Variants in RAI14 observed in about 807,000 individuals in gnomAD.
The protein encoded by RAI14 is retinoic acid induced 14.
A neutral mutation model predicts 115.4 loss-of-function variants in RAI14; 45 were observed. That is an observed-to-expected ratio of 0.39 (90% CI 0.31 to 0.50). The LOEUF (loss-of-function observed/expected upper bound fraction) is 0.50. RAI14 is among the 20% of genes least tolerant of loss of function. The pLI is 0.85. For missense variants in RAI14, 939 were observed against 1,131.2 expected (o/e 0.83, Z 2.44); for synonymous variants, 371 against 415.4 (o/e 0.89, Z 1.30).
At chr5:34,676,974 GT>G (rs1744025022) in intron 1 of RAI14, among the ~76,000 whole-genome samples, 1 of 152,056 alleles carries the variant, frequency 6.6e-6, no homozygotes, top group South Asian at 2.1e-4. Flanking sequence ...TAACAAACCT[GT>G]ACCTTTGTTA....
At chr5:34,806,548 G>A (rs1202976565) in intron 5 of RAI14, among the ~76,000 whole-genome samples, 2 of 152,084 alleles carry the variant, frequency 1.3e-5, no homozygotes, top group Admixed American at 1.3e-4. Context: ...GAGTGGAGGC[G>A]AGTTTTGGAG....
chr5:34,721,908 C>T (rs1290314290), intron 2 of RAI14, among the ~76,000 whole-genome samples: 6 of 152,056 alleles, frequency 3.9e-5, no homozygotes, highest in Admixed American at 6.6e-5. Context: ...AGGGTTTCAC[C>T]ATGTTGGCCA....
At chr5:34,769,483 G>A (rs937357575) in intron 3 of RAI14, among the ~76,000 whole-genome samples, 1 of 152,200 alleles carries the variant, frequency 6.6e-6, no homozygotes, top group African/African-American at 2.4e-5. Flanking sequence ...TTGGCCTGCT[G>A]AAATATTCTG....
chr5:34,778,646 G>A (rs11959624), intron 3 of RAI14, among the ~76,000 whole-genome samples: 4,100 of 151,926 alleles, frequency 0.027, 193 homozygotes, highest in African/African-American at 0.093. Flanking sequence ...AGGCGGGTTT[G>A]GTGGCTCACA....
chr5:34,799,807 C>T (rs912604380), intron 4 of RAI14, among the ~76,000 whole-genome samples: 1 of 151,164 alleles, frequency 6.6e-6, no homozygotes, highest in Non-Finnish European at 1.5e-5. Flanking sequence ...GCTGCCTCAG[C>T]CTCCTGAGTA....
chr5:34,664,740 C>T (rs1742976903), intron 1 of RAI14, among the ~76,000 whole-genome samples: 1 of 151,492 alleles, frequency 6.6e-6, no homozygotes, highest in Admixed American at 6.6e-5. Context: ...GTATACGCTG[C>T]ATCCTATTTG....
chr5:34,673,772 CCT>C (rs1458031281), intron 1 of RAI14, among the ~76,000 whole-genome samples: 1 of 152,130 alleles, frequency 6.6e-6, no homozygotes, highest in Non-Finnish European at 1.5e-5. Flanking sequence ...GCCTCTGTCC[CCT>C]CTCTCAAACC....
At chr5:34,802,679 A>T (rs1754416468) in intron 4 of RAI14, among the ~76,000 whole-genome samples, 1 of 152,180 alleles carries the variant, frequency 6.6e-6, no homozygotes, top group African/African-American at 2.4e-5. Flanking sequence ...CATGGGGGAA[A>T]AATAATTAAC....
Position 34,706,589 on chromosome 5 carries a change from C to T in RAI14, c.36+19634C>T, listed in dbSNP as rs189607069. ...ACTTAATGGAAGAAATGTTTTATTT[C>T]GGAACTTTATTACATTGATGTTGGG... On this transcript the variant is annotated intron_variant, in intron 2 of 17. Coordinates refer to ENST00000265109, the MANE Select transcript of RAI14 (RefSeq NM_015577.3). Among the ~76,000 whole-genome samples, 38 of 152,220 alleles carry T rather than the reference C, an allele frequency of 2.5e-4. 1 individual carries two copies. The highest frequency in any genetic ancestry group is 2.1e-3 in the Admixed American group (32 of 15,270).
intron 2 of RAI14, among the ~76,000 whole-genome samples, chr5:34,693,734 C>T (rs1447927642): frequency 6.6e-6 from 1 of 152,186 alleles, no homozygotes; most frequent in East Asian, 1.9e-4. Flanking sequence ...GCAGCACACG[C>T]TTGCTAACAG....
intron 2 of RAI14, among the ~76,000 whole-genome samples, chr5:34,748,041 A>G (rs1214448980): frequency 6.6e-6 from 1 of 152,242 alleles, no homozygotes; most frequent in East Asian, 1.9e-4. Context: ...GCTGGGGAAA[A>G]GGAAAGCAAT....
chr5:34,709,863 T>C (rs2149959706), intron 2 of RAI14, among the ~76,000 whole-genome samples: 1 of 152,320 alleles, frequency 6.6e-6, no homozygotes, highest in East Asian at 1.9e-4. Context: ...GGCATAAGAA[T>C]GAATTAACCA....
At chr5:34,758,609 A>G (rs141228623) in intron 3 of RAI14, among the ~76,000 whole-genome samples, 1 of 152,250 alleles carries the variant, frequency 6.6e-6, no homozygotes, top group East Asian at 1.9e-4. Context: ...GGGTTTGGCT[A>G]TGTTACCGAG....
At chr5:34,687,490 A>G in intron 2 of RAI14, 1 of 1,250,236 alleles carries the variant, frequency 8.0e-7, no homozygotes. Context: ...CCAATCCATA[A>G]AAGACTCTGG....
At chr5:34,763,073 T>G (rs1461972752) in intron 3 of RAI14, among the ~76,000 whole-genome samples, 1 of 152,138 alleles carries the variant, frequency 6.6e-6, no homozygotes, top group Non-Finnish European at 1.5e-5. Context: ...GATGACTCTG[T>G]GGAGCTTGAC....
At chr5:34,714,700 C>T (rs903430716) in intron 2 of RAI14, among the ~76,000 whole-genome samples, 1 of 152,130 alleles carries the variant, frequency 6.6e-6, no homozygotes, top group African/African-American at 2.4e-5. Context: ...TTTCCCAATA[C>T]CTTCGTTGCA....
intron 2 of RAI14, among the ~76,000 whole-genome samples, chr5:34,714,099 GC>G (rs1225509487): frequency 1.3e-5 from 2 of 152,184 alleles, no homozygotes; most frequent in Non-Finnish European, 2.9e-5. Flanking sequence ...ACCTCGCCCG[GC>G]CTTTGAATTT....
At chr5:34,764,693 GT>G (rs1016606764) in intron 3 of RAI14, among the ~76,000 whole-genome samples, 82 of 148,780 alleles carry the variant, frequency 5.5e-4, no homozygotes, top group Non-Finnish European at 9.1e-4. Context: ...CAATTCTCGA[GT>G]TTTTTTTTTA....
At chr5:34,820,828 A>G (rs1756746992) in intron 13 of RAI14, among the ~76,000 whole-genome samples, 1 of 152,232 alleles carries the variant, frequency 6.6e-6, no homozygotes, top group African/African-American at 2.4e-5. Context: ...AGGATGTCCG[A>G]AAGTTGTGGT....
Sources: gnomAD v4.1 joint callset for allele counts (sites outside exome capture counted in the v4.1 genomes callset) on GRCh38, gnomAD v4.1.1 for gene constraint, MANE v1.5 for transcripts, NCBI Gene and HGNC (gene_info 2026-07-23, HGNC 2026-07-21) for gene names.